The following ATXN7L1 variants were observed in gnomAD, a reference collection of about 807,000 sequenced individuals.
ATXN7L1 encodes ataxin-7-like protein 1.
ATXN7L1 carries 15 observed loss-of-function variants against 70.8 expected under a neutral mutation model. The ratio of observed to expected loss-of-function variants is 0.21; its 90% CI spans 0.14 to 0.33. ATXN7L1 has a LOEUF of 0.33. Among genes scored for constraint, ATXN7L1 ranks in the 10% least tolerant of loss-of-function variants. The pLI, the probability that ATXN7L1 is intolerant of heterozygous loss-of-function variation, is 1.00. For synonymous variants in ATXN7L1, 440 were observed against 445.1 expected, an observed-to-expected ratio of 0.99 and a Z score of 0.14; for missense variants, 975 against 1,097.1, an observed-to-expected ratio of 0.89 and a Z score of 1.57.
chr7:105,696,281 A>T (rs1791694221), intron 3 of ATXN7L1, among the ~76,000 whole-genome samples: 1 of 152,072 alleles, frequency 6.6e-6, no homozygotes, highest in Non-Finnish European at 1.5e-5. Context: ...GTGAATACTC[A>T]CTCTCAAGGG....
intron 3 of ATXN7L1, among the ~76,000 whole-genome samples, chr7:105,768,733 G>A (rs1168563441): frequency 6.6e-6 from 1 of 152,222 alleles, no homozygotes; most frequent in African/African-American, 2.4e-5. Flanking sequence ...GGGTAGACTA[G>A]AACCTACAAG....
At chr7:105,651,678 C>T (rs1228112584) in intron 4 of ATXN7L1, among the ~76,000 whole-genome samples, 1 of 152,204 alleles carries the variant, frequency 6.6e-6, no homozygotes, top group Non-Finnish European at 1.5e-5. Context: ...CTTCACAAGC[C>T]CACCTGCTTC....
chr7:105,824,413 C>T (rs1440197238), intron 2 of ATXN7L1, among the ~76,000 whole-genome samples: 1 of 152,068 alleles, frequency 6.6e-6, no homozygotes, highest in Non-Finnish European at 1.5e-5. Flanking sequence ...AGAAGCTCCA[C>T]AATGAGTAGA....
chr7:105,712,113 G>A (rs923416089), intron 3 of ATXN7L1, among the ~76,000 whole-genome samples: 1 of 152,230 alleles, frequency 6.6e-6, no homozygotes. Context: ...GTGTACCTTG[G>A]CCCCTTTTAG....
chr7:105,643,592 C>T (rs1365211710), intron 4 of ATXN7L1, among the ~76,000 whole-genome samples: 7 of 152,258 alleles, frequency 4.6e-5, no homozygotes, highest in African/African-American at 1.4e-4. Flanking sequence ...TGCTTAGCTC[C>T]GGAGTGCTGA....
At chr7:105,784,377 G>A (rs1304323195) in intron 3 of ATXN7L1, among the ~76,000 whole-genome samples, 1 of 152,098 alleles carries the variant, frequency 6.6e-6, no homozygotes, top group Non-Finnish European at 1.5e-5. Context: ...GAAATGTTGA[G>A]TAAGCAACAG....
intron 2 of ATXN7L1, among the ~76,000 whole-genome samples, chr7:105,794,670 C>T (rs1981603): frequency 0.18 from 27,162 of 152,012 alleles, 3,037 homozygotes; most frequent in South Asian, 0.41. Flanking sequence ...GTTACCGCAT[C>T]AATTATTGAC....
intron 3 of ATXN7L1, among the ~76,000 whole-genome samples, chr7:105,770,750 A>C (rs1262910590): frequency 6.6e-6 from 1 of 152,180 alleles, no homozygotes; most frequent in East Asian, 1.9e-4. Context: ...ACCCCTTCAA[A>C]GAGAAAGTTT....
chr7:105,759,314 A>T (rs541211551), intron 3 of ATXN7L1, among the ~76,000 whole-genome samples: 1 of 151,926 alleles, frequency 6.6e-6, no homozygotes, highest in Non-Finnish European at 1.5e-5. Flanking sequence ...TGCTGGGCTC[A>T]GATCCAGCTT....
chr7:105,856,191 C>T (rs1392593987), intron 2 of ATXN7L1, among the ~76,000 whole-genome samples: 1 of 152,194 alleles, frequency 6.6e-6, no homozygotes, highest in African/African-American at 2.4e-5. Flanking sequence ...GGGTTTACAC[C>T]TGTTTGTCAA....
At chr7:105,638,059 C>T (rs1427735228) in intron 7 of ATXN7L1, among the ~76,000 whole-genome samples, 2 of 152,190 alleles carry the variant, frequency 1.3e-5, no homozygotes, top group Admixed American at 1.3e-4. Context: ...TGTGTAAAAA[C>T]ACACACTGTC....
intron 4 of ATXN7L1, among the ~76,000 whole-genome samples, chr7:105,654,212 T>C (rs1236008852): frequency 5.3e-5 from 8 of 152,246 alleles, no homozygotes; most frequent in African/African-American, 1.9e-4. Flanking sequence ...CACCAATGCT[T>C]GGTAAGAACA....
chr7:105,644,825 A>G (rs2115940006), intron 4 of ATXN7L1, among the ~76,000 whole-genome samples: 1 of 152,374 alleles, frequency 6.6e-6, no homozygotes, highest in Non-Finnish European at 1.5e-5. Context: ...CTGTACACCC[A>G]TGTTCATAGC....
intron 3 of ATXN7L1, among the ~76,000 whole-genome samples, chr7:105,759,590 C>T (rs1038229692): frequency 6.6e-6 from 1 of 151,814 alleles, no homozygotes; most frequent in Non-Finnish European, 1.5e-5. Flanking sequence ...TGTGTGATAG[C>T]TCAGATAGGT....
chr7:105,723,712 G>A (rs1795466869), intron 3 of ATXN7L1, among the ~76,000 whole-genome samples: 1 of 152,188 alleles, frequency 6.6e-6, no homozygotes, highest in African/African-American at 2.4e-5. Flanking sequence ...CTCTTCCCTT[G>A]TGAAGGCAGC....
chr7:105,705,784 A>G (rs1793084446), intron 3 of ATXN7L1, among the ~76,000 whole-genome samples: 1 of 152,136 alleles, frequency 6.6e-6, no homozygotes, highest in Non-Finnish European at 1.5e-5. Context: ...ACATTAGCGC[A>G]TTTGGGACAC....
intron 3 of ATXN7L1, among the ~76,000 whole-genome samples, chr7:105,781,033 C>T (rs1263581524): frequency 2.6e-5 from 4 of 152,126 alleles, no homozygotes; most frequent in African/African-American, 4.8e-5. Context: ...GGCAATGTCC[C>T]GAGATGGTTT....
At chr7:105,712,690 T>A (rs1794078032) in intron 3 of ATXN7L1, among the ~76,000 whole-genome samples, 1 of 152,158 alleles carries the variant, frequency 6.6e-6, no homozygotes, top group Non-Finnish European at 1.5e-5. Flanking sequence ...CTCATTCCCA[T>A]CTGAGACCTC....
At chr7:105,695,984 T>C (rs1791652500) in intron 3 of ATXN7L1, among the ~76,000 whole-genome samples, 1 of 152,104 alleles carries the variant, frequency 6.6e-6, no homozygotes, top group Non-Finnish European at 1.5e-5. Context: ...GGGGCCAAGA[T>C]CAAAGATATT....
Sources: allele counts gnomAD v4.1 joint callset (sites outside exome capture counted in the v4.1 genomes callset), GRCh38; gene constraint gnomAD v4.1.1; transcripts MANE v1.5; gene names NCBI Gene and HGNC (gene_info 2026-07-23, HGNC 2026-07-21).